DKK2: variants seen among roughly 807,000 people sequenced by gnomAD.
DKK2 encodes dickkopf-related protein 2.
A neutral mutation model predicts 28.1 loss-of-function variants in DKK2; 11 were observed. The ratio of observed to expected loss-of-function variants is 0.39; its 90% CI spans 0.25 to 0.65. The LOEUF is 0.65. Among genes scored for constraint, DKK2 ranks in the 30% least tolerant of loss-of-function variants. DKK2 has a pLI of 0.47. For missense variants in DKK2, 326 were observed against 335.5 expected (o/e 0.97, Z 0.22); for synonymous variants, 135 against 126.5 (o/e 1.07, Z -0.45).
chr4:107,012,988 A>G lies in DKK2; in HGVS notation c.222+22382T>C, dbSNP rs112680258. On this transcript the variant is annotated intron_variant, in intron 1 of 3. Coordinates refer to ENST00000285311, the MANE Select transcript of DKK2 (RefSeq NM_014421.3). ...ATATTTAAACATCTTTAGATTATCA[A>G]CCACAAGAGTGAACCCACCATCCAA... is the stretch of plus-strand genomic sequence containing the variant. Among the ~76,000 whole-genome samples, 77 of 151,030 alleles carry G rather than the reference A, an allele frequency of 5.1e-4. 1 individual carries two copies. The highest frequency in any genetic ancestry group is 1.6e-4 in the Non-Finnish European group (11 of 67,310).
intron 1 of DKK2, among the ~76,000 whole-genome samples, chr4:106,947,568 G>T (rs900409326): frequency 6.6e-6 from 1 of 151,880 alleles, no homozygotes. Flanking sequence ...TATCTGTACC[G>T]TACCTTCTCT....
intron 1 of DKK2, among the ~76,000 whole-genome samples, chr4:106,951,608 C>A (rs1185783357): frequency 6.6e-6 from 1 of 152,088 alleles, no homozygotes; most frequent in Non-Finnish European, 1.5e-5. Context: ...CCCACTCATA[C>A]ATGAGAGCTA....
At chr4:106,976,858 T>C (rs1320668289) in intron 1 of DKK2, among the ~76,000 whole-genome samples, 1 of 152,174 alleles carries the variant, frequency 6.6e-6, no homozygotes, top group African/African-American at 2.4e-5. Context: ...ATTTGGTATG[T>C]TTTTGTAGTG....
intron 1 of DKK2, among the ~76,000 whole-genome samples, chr4:107,023,698 A>G (rs545458046): frequency 6.6e-6 from 1 of 152,270 alleles, no homozygotes; most frequent in South Asian, 2.1e-4. Context: ...AATGCAAACT[A>G]CAAATCATAG....
At chr4:107,035,205 C>T (rs368524772) in intron 1 of DKK2, among the ~76,000 whole-genome samples, 165 bp downstream of exon 1, 31 of 151,640 alleles carry the variant, frequency 2.0e-4, no homozygotes, top group Admixed American at 3.9e-4. Context: ...CACCCAGACA[C>T]CCCCCGCCCA....
At chr4:106,967,963 AAAGG>A (rs1194679076) in intron 1 of DKK2, among the ~76,000 whole-genome samples, 1 of 136,756 alleles carries the variant, frequency 7.3e-6, no homozygotes, top group African/African-American at 2.8e-5. Flanking sequence ...ACAAAGAAAG[AAAGG>A]AATGAAGAGA....
chr4:106,998,352 T>C (rs1723305409), intron 1 of DKK2, among the ~76,000 whole-genome samples: 1 of 152,194 alleles, frequency 6.6e-6, no homozygotes, highest in African/African-American at 2.4e-5. Flanking sequence ...ATAAAATGTT[T>C]CCACATTTCT....
At chr4:106,961,354 A>G (rs1722681763) in intron 1 of DKK2, among the ~76,000 whole-genome samples, 1 of 152,128 alleles carries the variant, frequency 6.6e-6, no homozygotes, top group African/African-American at 2.4e-5. Flanking sequence ...AAAATTATTA[A>G]AGTTGGAAAA....
intron 1 of DKK2, among the ~76,000 whole-genome samples, chr4:107,024,931 A>G (rs546063653): frequency 6.6e-6 from 1 of 152,350 alleles, no homozygotes; most frequent in African/African-American, 2.4e-5. Context: ...ATAGTGCACA[A>G]GGCATATACC....
At chr4:107,002,886 A>G in intron 1 of DKK2, among the ~76,000 whole-genome samples, 1 of 152,214 alleles carries the variant, frequency 6.6e-6, no homozygotes, top group East Asian at 1.9e-4. Context: ...AAATGGGGAG[A>G]ATACCCATCT....
chr4:106,967,198 G>T (rs888601739), intron 1 of DKK2, among the ~76,000 whole-genome samples: 3 of 152,052 alleles, frequency 2.0e-5, no homozygotes, highest in Non-Finnish European at 2.9e-5. Context: ...CACAACATTT[G>T]CTTTTAGGGA....
intron 1 of DKK2, among the ~76,000 whole-genome samples, chr4:106,933,664 C>G (rs1724533819): frequency 6.6e-6 from 1 of 152,144 alleles, no homozygotes; most frequent in African/African-American, 2.4e-5. Context: ...TTCCCCATAT[C>G]AAGTATGATA....
chr4:106,944,816 G>C (rs1186604129), intron 1 of DKK2, among the ~76,000 whole-genome samples: 1 of 151,976 alleles, frequency 6.6e-6, no homozygotes, highest in African/African-American at 2.4e-5. Context: ...CAGAGTAATT[G>C]GATTCCCTTG....
At chr4:107,023,683 A>G (rs1723728824) in intron 1 of DKK2, among the ~76,000 whole-genome samples, 1 of 152,148 alleles carries the variant, frequency 6.6e-6, no homozygotes, top group African/African-American at 2.4e-5. Flanking sequence ...CAAATTTACC[A>G]CACTAATGCA....
chr4:106,964,960 TATAGATAGATAG>T lies in DKK2; in HGVS notation c.223-39023_223-39012del, dbSNP rs754515017. 1.1e-3 allele frequency among the ~76,000 whole-genome samples: 166 copies of T among 146,440 alleles called. 1 individual carries two copies. Among genetic ancestry groups the T allele is most frequent in the South Asian group, 3.8e-3 (17 of 4,498 alleles). ...GATAGATTAGATATAGATAGATAGA[TATAGATAGATAG>T]ATAGATAGATAGATAGATAGATAGA... On this transcript the variant is annotated intron_variant, in intron 1 of 3. Coordinates refer to ENST00000285311, the MANE Select transcript of DKK2 (RefSeq NM_014421.3).
At chr4:106,993,065 C>T (rs1342433073) in intron 1 of DKK2, among the ~76,000 whole-genome samples, 1 of 152,224 alleles carries the variant, frequency 6.6e-6, no homozygotes, top group African/African-American at 2.4e-5. Context: ...CAAGTGTAGA[C>T]AAGTTTATTC....
At position 107,004,685 on chromosome 4, in the gene DKK2, C is replaced by T. The variant is rs992401211; in HGVS notation, c.222+30685G>A. 1.8e-4 allele frequency among the ~76,000 whole-genome samples: 28 copies of T among 152,222 alleles called. 1 individual carries two copies. The highest frequency in any genetic ancestry group is 6.5e-4 in the Admixed American group (10 of 15,290). Reference sequence around the variant, plus strand: ...TGGAACCTGTGAATATATTACCTTACGTGGCAAAAAGAACTTTCAGATGTA... The same window carrying T: ...TGGAACCTGTGAATATATTACCTTATGTGGCAAAAAGAACTTTCAGATGTA... On this transcript the variant is annotated intron_variant, in intron 1 of 3. Transcript: ENST00000285311.
At chr4:107,006,689 T>C (rs1325723773) in intron 1 of DKK2, among the ~76,000 whole-genome samples, 1 of 152,202 alleles carries the variant, frequency 6.6e-6, no homozygotes, top group Non-Finnish European at 1.5e-5. Flanking sequence ...CCTCTCAATC[T>C]AACTCAAGTG....
rs894231603 is a variant in DKK2, at chr4:106,925,994, G to A, written c.223-45C>T. 9.7e-6 allele frequency: 15 copies of A among 1,549,226 alleles called. No individual in the cohort carries two copies. In the East Asian group the frequency reaches 3.4e-4, roughly 35 times the overall value. On this transcript the variant is annotated intron_variant, in intron 1 of 3. Coordinates refer to ENST00000285311, the MANE Select transcript of DKK2 (RefSeq NM_014421.3). ...CACCAGAAGTAAAGGATTAGATCGT[G>A]TTTCACTTATGAAACATTACTATAG...
Sources: allele counts gnomAD v4.1 joint callset (sites outside exome capture counted in the v4.1 genomes callset), GRCh38; gene constraint gnomAD v4.1.1; transcripts MANE v1.5; gene names NCBI Gene and HGNC (gene_info 2026-07-23, HGNC 2026-07-21).